Variants in ST6GAL1 observed in about 807,000 individuals in gnomAD.
ST6GAL1 encodes ST6 beta-galactoside alpha-2,6-sialyltransferase 1.
In ST6GAL1, 20 loss-of-function variants were observed where a neutral mutation model predicts 38.0. The ratio of observed to expected loss-of-function variants is 0.53; its 90% CI spans 0.37 to 0.77. The LOEUF (loss-of-function observed/expected upper bound fraction) is 0.77. Among genes scored for constraint, ST6GAL1 ranks in the 30% least tolerant of loss-of-function variants. The pLI is 0.00. For synonymous variants in ST6GAL1, 196 were observed against 188.2 expected (o/e 1.04, Z -0.34); for missense variants, 432 against 496.4 (o/e 0.87, Z 1.23).
chr3:187,029,372 C>T (rs943215165), intron 2 of ST6GAL1, among the ~76,000 whole-genome samples: 9 of 151,830 alleles, frequency 5.9e-5, no homozygotes, highest in African/African-American at 2.2e-4. Context: ...ATCTAGTGGA[C>T]AAGTGTTGGT....
chr3:186,939,945 C>T (rs1714106985), intron 1 of ST6GAL1, among the ~76,000 whole-genome samples: 1 of 152,206 alleles, frequency 6.6e-6, no homozygotes, highest in African/African-American at 2.4e-5. Context: ...CCCTTTTCTA[C>T]CTCTGACTTT....
chr3:187,046,775 G>T (rs776048476), intron 4 of ST6GAL1, among the ~76,000 whole-genome samples: 1 of 152,132 alleles, frequency 6.6e-6, no homozygotes, highest in Non-Finnish European at 1.5e-5. Flanking sequence ...TTAAAAGGCC[G>T]GATAGTAAAT....
chr3:186,944,365 CAT>C (rs1284139602), intron 1 of ST6GAL1, among the ~76,000 whole-genome samples: 1 of 152,146 alleles, frequency 6.6e-6, no homozygotes, highest in Non-Finnish European at 1.5e-5. Flanking sequence ...GAGGGCATAA[CAT>C]ATGAGCAAAA....
chr3:186,995,998 G>T (rs1017349066), intron 2 of ST6GAL1, among the ~76,000 whole-genome samples: 1 of 152,102 alleles, frequency 6.6e-6, no homozygotes, highest in East Asian at 1.9e-4. Flanking sequence ...CCATATTATC[G>T]GTGCGTGTTT....
chr3:187,032,627 A>C (rs1717793293), intron 2 of ST6GAL1, among the ~76,000 whole-genome samples: 1 of 152,214 alleles, frequency 6.6e-6, no homozygotes, highest in South Asian at 2.1e-4. Flanking sequence ...AGACTAATCA[A>C]ATACTAAATG....
At chr3:187,070,719 G>T (rs757468127) in intron 5 of ST6GAL1, among the ~76,000 whole-genome samples, 1 of 152,090 alleles carries the variant, frequency 6.6e-6, no homozygotes, top group African/African-American at 2.4e-5. Flanking sequence ...CACCGCACCC[G>T]GCCCAACACT....
At chr3:186,999,743 T>C (rs753605187) in intron 2 of ST6GAL1, among the ~76,000 whole-genome samples, 5 of 151,912 alleles carry the variant, frequency 3.3e-5, no homozygotes, top group Non-Finnish European at 7.4e-5. Flanking sequence ...GTAAGTGGAG[T>C]AGGAGGGCCA....
At chr3:187,006,074 G>A (rs1025849168) in intron 2 of ST6GAL1, 2 of 152,260 alleles carry the variant, frequency 1.3e-5, no homozygotes, top group Admixed American at 1.3e-4. Flanking sequence ...GTTACAGATA[G>A]CAGCAGCAGC....
chr3:187,006,307 C>T (rs770734862), intron 2 of ST6GAL1: 1 of 152,146 alleles, frequency 6.6e-6, no homozygotes, highest in Non-Finnish European at 1.5e-5. Flanking sequence ...TCTAACCTAC[C>T]TCATGTAATC....
At chr3:186,946,320 T>C (rs1560137524) in intron 1 of ST6GAL1, among the ~76,000 whole-genome samples, 1 of 151,728 alleles carries the variant, frequency 6.6e-6, no homozygotes. Flanking sequence ...AAAAAAAAAG[T>C]GTTCCTTTTC....
intron 2 of ST6GAL1, among the ~76,000 whole-genome samples, chr3:187,026,262 T>C (rs1239865458): frequency 6.6e-6 from 1 of 152,194 alleles, no homozygotes; most frequent in Non-Finnish European, 1.5e-5. Flanking sequence ...TGGTTCCCGC[T>C]TGATAGAGCT....
chr3:186,993,500 C>G (rs1284314569), intron 2 of ST6GAL1, among the ~76,000 whole-genome samples: 1 of 152,206 alleles, frequency 6.6e-6, no homozygotes, highest in Non-Finnish European at 1.5e-5. Flanking sequence ...GAAGCTACCC[C>G]TTGGCATCAC....
intron 5 of ST6GAL1, among the ~76,000 whole-genome samples, chr3:187,063,004 G>T (rs989368537): frequency 5.3e-5 from 8 of 152,064 alleles, no homozygotes; most frequent in African/African-American, 1.9e-4. Context: ...ATTCATTTTG[G>T]GAAGCTGAAA....
At chr3:187,062,166 A>G (rs191088162) in intron 5 of ST6GAL1, among the ~76,000 whole-genome samples, 8 of 149,388 alleles carry the variant, frequency 5.4e-5, no homozygotes, top group African/African-American at 1.8e-4. Context: ...AATACAACAC[A>G]GCACCACCTC....
chr3:187,063,501 G>A (rs1205260517), intron 5 of ST6GAL1, among the ~76,000 whole-genome samples: 1 of 152,220 alleles, frequency 6.6e-6, no homozygotes, highest in East Asian at 1.9e-4. Flanking sequence ...GGGCTACTTT[G>A]AGGTTGAAGA....
At chr3:187,033,668 C>A (rs1347296256) in intron 2 of ST6GAL1, among the ~76,000 whole-genome samples, 1 of 152,020 alleles carries the variant, frequency 6.6e-6, no homozygotes. Context: ...GTGGCTATAC[C>A]ATGCTTTTCT....
At chr3:186,964,025 A>G (rs1212627134) in intron 2 of ST6GAL1, 99 bp downstream of exon 2, 1 of 152,276 alleles carries the variant, frequency 6.6e-6, no homozygotes. Flanking sequence ...AGGAGCAGTT[A>G]GTTGTTTCTG....
intron 2 of ST6GAL1, among the ~76,000 whole-genome samples, chr3:187,038,056 G>A (rs1442595818): frequency 6.6e-6 from 1 of 151,784 alleles, no homozygotes; most frequent in South Asian, 2.1e-4. Context: ...TTGAAAATCT[G>A]TATGAAGTTT....
In ST6GAL1 at chr3:187,061,298, C is replaced by T. The variant is rs76537528; in HGVS notation, c.705+9952C>T. ...AGTATTGTTAAGATGTCAATAATAC[C>T]GAATATGATATGCAGATTTAATGCA... On this transcript the variant is annotated intron_variant, in intron 5 of 7. Coordinates refer to ENST00000169298, the MANE Select transcript of ST6GAL1 (RefSeq NM_173216.2). Among the ~76,000 whole-genome samples the T allele has an allele frequency of 2.8e-3, 428 of 152,044 alleles. 3 individuals carry two copies. The highest frequency in any genetic ancestry group is 1.0e-2 in the African/African-American group (414 of 41,468).
Sources: gnomAD v4.1 joint callset for allele counts (sites outside exome capture counted in the v4.1 genomes callset) on GRCh38, gnomAD v4.1.1 for gene constraint, MANE v1.5 for transcripts, NCBI Gene and HGNC (gene_info 2026-07-23, HGNC 2026-07-21) for gene names.